Variants in TLN2 observed in about 807,000 individuals in gnomAD.
TLN2 encodes talin-2.
A neutral mutation model predicts 294.7 loss-of-function variants in TLN2; 118 were observed. The ratio of observed to expected loss-of-function variants is 0.40; its 90% CI spans 0.34 to 0.47. The LOEUF (loss-of-function observed/expected upper bound fraction) is 0.47. Ranked by LOEUF, TLN2 falls within the 20% of genes least tolerant of loss-of-function variation. The pLI, the probability that TLN2 is intolerant of heterozygous loss-of-function variation, is 0.84. For synonymous variants in TLN2, 1,431 were observed against 1,304.5 expected (o/e 1.10, Z -2.09); for missense variants, 3,083 against 3,282.2 (o/e 0.94, Z 1.48).
At chr15:62,555,034 G>A (rs114695958) in intron 1 of TLN2, among the ~76,000 whole-genome samples, 213 of 151,590 alleles carry the variant, frequency 1.4e-3, no homozygotes, top group African/African-American at 4.9e-3. Context: ...GGAATTAGGA[G>A]ATTTCTTCCC....
chr15:62,621,955 T>C (rs1422843744), intron 3 of TLN2, among the ~76,000 whole-genome samples: 2 of 152,146 alleles, frequency 1.3e-5, no homozygotes, highest in Non-Finnish European at 2.9e-5. Context: ...ACTCTGCTAG[T>C]GTAGATGTCA....
Position 62,752,445 on chromosome 15 carries a change from A to T in TLN2, c.4332+18A>T. The T allele has an allele frequency of 6.2e-7, 1 of 1,613,674 alleles. No individual in the cohort carries two copies. Among genetic ancestry groups the T allele is most frequent in the Non-Finnish European group, 8.5e-7 (1 of 1,179,796 alleles). On this transcript the variant is annotated intron_variant, in intron 35 of 58. Coordinates refer to ENST00000636159, the MANE Select transcript of TLN2 (RefSeq NM_015059.3). ...CAGCCCAGGTAAGGGGCTAGTCCCG[A>T]TGCAGCCATGTGCCCTGTGCCAGAT...
At position 62,771,107 on chromosome 15, in the gene TLN2, A is replaced by T. The variant is rs774989277; in HGVS notation, c.5340A>T (p.Ala1780=). 1 of 1,611,488 alleles carries T rather than the reference A, an allele frequency of 6.2e-7. No individual in the cohort carries two copies. Among genetic ancestry groups the T allele is most frequent in the Admixed American group, 1.7e-5 (1 of 59,954 alleles). The change falls in exon 42 of 59, where the codon GCA becomes GCT. Residue 1780 remains alanine, a synonymous_variant. Coordinates refer to ENST00000636159, the MANE Select transcript of TLN2 (RefSeq NM_015059.3). ...AGTCTGCCTTGCAGATGTTGTATGCAGCCAAAGAAGGTGGCGGAAACCCCA... is the reference window on the plus strand; with the variant it reads ...AGTCTGCCTTGCAGATGTTGTATGCTGCCAAAGAAGGTGGCGGAAACCCCA... ...LAESALQMLY[A]AKEGGGNPKA...
chr15:62,493,574 C>T (rs2140413738), intron 1 of TLN2, among the ~76,000 whole-genome samples: 1 of 151,936 alleles, frequency 6.6e-6, no homozygotes, highest in East Asian at 1.9e-4. Context: ...CACGCTCTCC[C>T]ACGTAGGAAG....
At chr15:62,808,598 C>T (rs2066457003) in intron 51 of TLN2, among the ~76,000 whole-genome samples, 1 of 152,170 alleles carries the variant, frequency 6.6e-6, no homozygotes, top group African/African-American at 2.4e-5. Context: ...CTCAGCTCCA[C>T]CTCTCCCACT....
At chr15:62,775,326 T>A (rs1030318269) in intron 42 of TLN2, among the ~76,000 whole-genome samples, 5 of 152,186 alleles carry the variant, frequency 3.3e-5, no homozygotes, top group Non-Finnish European at 5.9e-5. Flanking sequence ...AGATGCTCTT[T>A]CTGGAGAGTA....
Position 62,498,485 on chromosome 15 carries a change from G to C in TLN2, c.-237-91202G>C, listed in dbSNP as rs143083531. 2.9e-3 allele frequency among the ~76,000 whole-genome samples: 436 copies of C among 152,308 alleles called. 4 individuals carry two copies. Among genetic ancestry groups the C allele is most frequent in the African/African-American group, 9.9e-3 (413 of 41,566 alleles). ...GAATTATGCATATACAGTAATCAGA[G>C]TTCTGAGTGTAGGCAAAAGTATCTG... On this transcript the variant is annotated intron_variant, in intron 1 of 58. Transcript: ENST00000636159.
At chr15:62,702,273 T>G in intron 18 of TLN2, 73 bp downstream of exon 18, 2 of 1,471,646 alleles carry the variant, frequency 1.4e-6, no homozygotes, top group Non-Finnish European at 1.8e-6. Flanking sequence ...CATGGGGCTC[T>G]TGCTTCCCGA....
chr15:62,663,885 A>G (rs1461955854), intron 9 of TLN2, among the ~76,000 whole-genome samples: 2 of 152,166 alleles, frequency 1.3e-5, no homozygotes, highest in Non-Finnish European at 2.9e-5. Context: ...AGTCACTTAC[A>G]TAATAATGAG....
intron 3 of TLN2, chr15:62,645,241 A>G (rs1439025301): frequency 6.6e-6 from 1 of 152,658 alleles, no homozygotes; most frequent in African/African-American, 2.4e-5. Context: ...AAAGTCCTCA[A>G]TATTGCAGTT....
rs2052668315 is a variant in TLN2, at chr15:62,652,198, T to C, written c.364+64T>C. On this transcript the variant is annotated intron_variant, in intron 6 of 58. Coordinates refer to ENST00000636159, the MANE Select transcript of TLN2 (RefSeq NM_015059.3). ...GTTTTTAATTACAGGCCTCTTCTTT[T>C]TTCCACCTGCATTTGATCTCTAGGC... The C allele has an allele frequency of 2.1e-6, 3 of 1,433,484 alleles. No homozygotes were observed. In the Admixed American group the frequency reaches 7.0e-5, roughly 33 times the overall value. The allele number at this position is 1,433,484 out of a possible 1,614,324, so 88.8% of individuals were successfully genotyped here. A position where few individuals can be genotyped will look rare whatever the true frequency, so the allele number is the denominator to read the frequency against.
intron 1 of TLN2, among the ~76,000 whole-genome samples, chr15:62,583,403 T>G (rs1004210445): frequency 2.6e-5 from 4 of 152,208 alleles, no homozygotes; most frequent in African/African-American, 9.6e-5. Flanking sequence ...TTGGCTGTAA[T>G]AATGTACTGA....
At chr15:62,487,386 A>G (rs1056762292) in intron 1 of TLN2, among the ~76,000 whole-genome samples, 5 of 152,170 alleles carry the variant, frequency 3.3e-5, no homozygotes, top group African/African-American at 1.2e-4. Flanking sequence ...GGATGTTTTT[A>G]GTTTGATTAT....
At chr15:62,807,891 C>T (rs60910902) in intron 51 of TLN2, among the ~76,000 whole-genome samples, 15,638 of 152,178 alleles carry the variant, frequency 0.1, 1,904 homozygotes, top group African/African-American at 0.29. Context: ...CTAACATTTC[C>T]ATTTCCCTTG....
intron 1 of TLN2, among the ~76,000 whole-genome samples, chr15:62,424,653 CTTTT>C (rs72381963): frequency 6.6e-6 from 1 of 151,262 alleles, no homozygotes. Context: ...TTTCTTTTTC[CTTTT>C]TTTTTGTTTT....
chr15:62,653,354 C>T lies in TLN2; in HGVS notation c.517+40C>T, dbSNP rs772851438. ...AGGAAGCATGATACAGACACACAGG[C>T]TTTGCTAAGCCTCACTTCCCTCCCA... On this transcript the variant is annotated intron_variant, in intron 7 of 58. Coordinates refer to ENST00000636159, the MANE Select transcript of TLN2 (RefSeq NM_015059.3). 3.2e-6 allele frequency: 5 copies of T among 1,574,632 alleles called. No homozygotes were observed. The South Asian group carries it at 3.6e-5, about 11-fold the overall frequency.
At chr15:62,673,072 TTGTGTGTGTG>T (rs60589441) in intron 9 of TLN2, among the ~76,000 whole-genome samples, 1 of 144,798 alleles carries the variant, frequency 6.9e-6, no homozygotes, top group African/African-American at 2.5e-5. Context: ...CCTAATTTAA[TTGTGTGTGTG>T]TGTGTGTGTG....
At chr15:62,626,604 A>G (rs7181710) in intron 3 of TLN2, among the ~76,000 whole-genome samples, 98,860 of 152,112 alleles carry the variant, frequency 0.65, 32,572 homozygotes, top group Middle Eastern at 0.83. Context: ...CAAGTCAGCG[A>G]CAAGGATGTG....
intron 43 of TLN2, among the ~76,000 whole-genome samples, chr15:62,780,209 T>C (rs2064037799): frequency 6.6e-6 from 1 of 152,228 alleles, no homozygotes; most frequent in South Asian, 2.1e-4. Context: ...TCACTTTGTC[T>C]CTTCGCCTGG....
Sources: allele counts gnomAD v4.1 joint callset (sites outside exome capture counted in the v4.1 genomes callset), GRCh38; gene constraint gnomAD v4.1.1; transcripts MANE v1.5; gene names NCBI Gene and HGNC (gene_info 2026-07-23, HGNC 2026-07-21).